ZNF205: variants seen among roughly 807,000 people sequenced by gnomAD.
ZNF205 encodes the protein transcriptional repressor RHIT.
In ZNF205, 32 loss-of-function variants were observed where a neutral mutation model predicts 53.6. The ratio of observed to expected loss-of-function variants is 0.60; its 90% confidence interval spans 0.45 to 0.80. The LOEUF is 0.80. Among genes scored for constraint, ZNF205 ranks in the 30% least tolerant of loss-of-function variants. The probability of loss-of-function intolerance (pLI) is 0.00; values close to 1 mark genes in which losing one functional copy is unlikely to be tolerated. For missense variants in ZNF205, 836 were observed against 782.4 expected, an observed-to-expected ratio of 1.07 and a Z score of -0.82; for synonymous variants, 382 against 334.3, an observed-to-expected ratio of 1.14 and a Z score of -1.56.
At chr16:3,112,979 TC>T in intron 1 of ZNF205, 1 of 206,788 alleles carries the variant, frequency 4.8e-6, no homozygotes, top group Non-Finnish European at 9.8e-6. Context: ...TGTCCTGGGG[TC>T]GGGGGACAGC....
At chr16:3,114,407 G>A (rs1476557060) in intron 2 of ZNF205, among the ~76,000 whole-genome samples, 1 of 152,184 alleles carries the variant, frequency 6.6e-6, no homozygotes, top group Non-Finnish European at 1.5e-5. Flanking sequence ...TGATTGGGGA[G>A]GGGTGTCGCT....
At chr16:3,118,391 G>A (rs1013727988) in intron 5 of ZNF205, among the ~76,000 whole-genome samples, 2 of 152,146 alleles carry the variant, frequency 1.3e-5, no homozygotes, top group Admixed American at 6.5e-5. Flanking sequence ...GGCAGGCCTC[G>A]CAGATGCCTC....
intron 2 of ZNF205, 79 bp from the exon 3 acceptor site, chr16:3,115,276 A>G (rs975182465): frequency 8.4e-7 from 1 of 1,187,976 alleles, no homozygotes; most frequent in Admixed American, 3.1e-5. Context: ...TTGGTTTCCG[A>G]CGCTGCCGGA....
rs1957336039 is a variant in ZNF205 at position 3,115,773 on chromosome 16, A to T, written c.272-56A>T. The T allele has an allele frequency of 3.9e-6, 6 of 1,533,734 alleles. No homozygotes were observed. In the South Asian group the frequency reaches 7.0e-5, roughly 18 times the overall value. On this transcript the variant is annotated intron_variant, in intron 3 of 6. Coordinates refer to ENST00000219091, the MANE Select transcript of ZNF205 (RefSeq NM_001042428.2). Reference sequence around the variant, plus strand: ...GGGTGGAGTTTGAGGCAGCTGAAGTAGCAGCAGGTCCAGCAGGATGAGCTG... The same window carrying T: ...GGGTGGAGTTTGAGGCAGCTGAAGTTGCAGCAGGTCCAGCAGGATGAGCTG...
chr16:3,113,562 C>A, intron 2 of ZNF205, 75 bp downstream of exon 2: 1 of 1,533,638 alleles, frequency 6.5e-7, no homozygotes, highest in East Asian at 2.3e-5. Context: ...GGCACAGAGT[C>A]TGGACCCCTG....
chr16:3,120,335 A>T lies in ZNF205; in HGVS notation c.*10A>T. On this transcript the variant is annotated 3_prime_UTR_variant, in exon 7 of 7. Transcript: ENST00000219091. ...ACCCGCTCCCACCTAGGAGGCCAGG[A>T]AAGGGGGAGCGGGGCGCCCAGGGCC... is the stretch of plus-strand genomic sequence containing the variant. 1 of 1,511,988 alleles carries T rather than the reference A, an allele frequency of 6.6e-7. No individual in the cohort carries two copies. The highest frequency in any genetic ancestry group is 8.8e-7 in the Non-Finnish European group (1 of 1,139,812). The allele number at this position is 1,511,988 out of a possible 1,614,324, so 93.7% of individuals were successfully genotyped here. A position where few individuals can be genotyped will look rare whatever the true frequency, so the allele number is the denominator to read the frequency against.
chr16:3,113,349 G>C (rs1957295093), intron 1 of ZNF205, 68 bp from the exon 2 acceptor site: 6 of 1,527,880 alleles, frequency 3.9e-6, no homozygotes, highest in Admixed American at 1.8e-5. Context: ...GCTCTTCTAG[G>C]CTCCTGGCCA....
intron 2 of ZNF205, among the ~76,000 whole-genome samples, chr16:3,114,327 C>G (rs1957310540): frequency 6.6e-6 from 1 of 152,168 alleles, no homozygotes; most frequent in African/African-American, 2.4e-5. Flanking sequence ...AGCTCCTTCT[C>G]CATCATTATC....
At position 3,120,306 on chromosome 16, in the gene ZNF205, C is replaced by G. The variant is rs1010841892; in HGVS notation, c.1646C>G (p.Pro549Arg). The G allele has an allele frequency of 1.3e-6, 2 of 1,568,624 alleles. No individual in the cohort carries two copies. The highest frequency in any genetic ancestry group is 1.4e-5 in the African/African-American group (1 of 73,990). The change falls in exon 7 of 7, where the codon CCC (proline) becomes CGC (arginine). Residue 549 changes from proline to arginine, a missense_variant. By Grantham distance (103) the Pro-to-Arg change is moderately radical. Transcript: ENST00000219091. ...GCGGCGGCGGGGGCTCTGGCCACAC[C>G]CCCACCCGCTCCCACCTAGGAGGCC... ...GAAAAGALAT[P>R]PPAPT
chr16:3,113,345 C>G (rs890357746), intron 1 of ZNF205, 72 bp from the exon 2 acceptor site: 1 of 1,516,888 alleles, frequency 6.6e-7, no homozygotes, highest in African/African-American at 1.4e-5. Context: ...GTCTGCTCTT[C>G]TAGGCTCCTG....
At chr16:3,115,269 G>A in intron 2 of ZNF205, 86 bp from the exon 3 acceptor site, 1 of 1,115,412 alleles carries the variant, frequency 9.0e-7, no homozygotes, top group East Asian at 2.9e-5. Flanking sequence ...TTGCATGTTG[G>A]TTTCCGACGC....
In ZNF205 at chr16:3,120,020, G is replaced by A. The variant is rs755244000; in HGVS notation, c.1360G>A (p.Gly454Ser). The A allele has an allele frequency of 6.8e-6, 11 of 1,613,656 alleles. No homozygotes were observed. In the Admixed American group the frequency reaches 1.5e-4, roughly 22 times the overall value. ...CAAGCCCTATCCGTGCCCCGAGTGC[G>A]GCAAGTGCTTCAGCCAGCGTTCCAA... Reference protein sequence around the residue: ...GVKPYPCPECGKCFSQRSNLI... With the variant: ...GVKPYPCPECSKCFSQRSNLI... The change falls in exon 7 of 7, where the codon GGC becomes AGC. Residue 454 changes from glycine to serine, a missense_variant. By Grantham distance (56) the Gly-to-Ser change is moderately conservative. Coordinates refer to ENST00000219091, the MANE Select transcript of ZNF205 (RefSeq NM_001042428.2).
Position 3,115,467 on chromosome 16 carries a change from A to C in ZNF205, c.170A>C (p.His57Pro), listed in dbSNP as rs1221603527. 4 of 1,611,418 alleles carry C rather than the reference A, an allele frequency of 2.5e-6. No individual in the cohort carries two copies. Among genetic ancestry groups the C allele is most frequent in the Non-Finnish European group, 3.4e-6 (4 of 1,178,770 alleles). The change falls in exon 3 of 7, where the codon CAC (histidine) becomes CCC (proline). Residue 57 changes from histidine (H) to proline (P), a missense_variant. Coordinates refer to ENST00000219091, the MANE Select transcript of ZNF205 (RefSeq NM_001042428.2). ...LHIKMEPEEPHSEGASQEDGA... is the reference protein window; with the variant it reads ...LHIKMEPEEPPSEGASQEDGA... ...ATTAAGATGGAGCCCGAAGAGCCAC[A>C]CTCCGAGGGGGCATCGCAGGAGGAT...
At chr16:3,117,083 C>T (rs564206238) in intron 5 of ZNF205, among the ~76,000 whole-genome samples, 26 of 152,298 alleles carry the variant, frequency 1.7e-4, no homozygotes, top group African/African-American at 5.1e-4. Flanking sequence ...CGTGAGCCAC[C>T]GCGCCCGGCC....
rs757591307 is a variant in ZNF205, at chr16:3,119,298, C to T, written c.638C>T (p.Ala213Val). The T allele has an allele frequency of 5.0e-6, 8 of 1,609,450 alleles. No individual in the cohort carries two copies. The highest frequency in any genetic ancestry group is 8.5e-7 in the Non-Finnish European group (1 of 1,177,738). ...VGQRVQTSSV[A>V]ALGNVKPFRT... The stretch of plus-strand genomic sequence containing the variant: ...CAGAGGGTGCAGACCTCATCCGTGG[C>T]AGCCCTTGGGAATGTGAAGCCCTTC... Residue 213 changes from alanine to valine, a missense_variant, in exon 7 of 7, where the codon GCA becomes GTA. By Grantham distance (64) the Ala-to-Val change is moderately conservative. Transcript: ENST00000219091.
Position 3,120,205 on chromosome 16 carries a change from G to A in ZNF205, c.1545G>A (p.Arg515=). ...ACPLCGKSFS[R]RSNLHRHEKI... ...CGTTGTGCGGCAAGAGCTTCAGCCG[G>A]CGCTCCAACCTGCACCGGCACGAGA... is the stretch of plus-strand genomic sequence containing the variant. Residue 515 remains arginine (R), a synonymous_variant, in exon 7 of 7, where the codon CGG becomes CGA. Coordinates refer to ENST00000219091, the MANE Select transcript of ZNF205 (RefSeq NM_001042428.2). The A allele has an allele frequency of 6.2e-7, 1 of 1,611,918 alleles. No homozygotes were observed. The highest frequency in any genetic ancestry group is 8.5e-7 in the Non-Finnish European group (1 of 1,179,694).
At position 3,112,659 on chromosome 16, in the gene ZNF205, G is replaced by C. The variant is rs562740095; in HGVS notation, c.-38G>C. On this transcript the variant is annotated 5_prime_UTR_variant, in exon 1 of 7. Transcript: ENST00000219091. ...GGGGGAGGGGGCCCCCACTGCCGCA[G>C]GTGCCCCCTCTGCCTCCACCCCGGT... 1 of 309,326 alleles carries C rather than the reference G, an allele frequency of 3.2e-6. No homozygotes were observed. The highest frequency in any genetic ancestry group is 8.2e-5 in the East Asian group (1 of 12,216). The allele number at this position is 309,326 out of a possible 1,614,324, so 19.2% of individuals were successfully genotyped here.
intron 2 of ZNF205, among the ~76,000 whole-genome samples, chr16:3,113,896 A>AGTGT (rs1000561731): frequency 2.0e-5 from 3 of 150,834 alleles, no homozygotes; most frequent in African/African-American, 2.4e-5. Flanking sequence ...TGCGTGGTTG[A>AGTGT]GTGTGTGTGT....
rs759969610 is a variant in ZNF205, at chr16:3,119,600, G to A, written c.940G>A (p.Gly314Ser). Residue 314 changes from glycine (G) to serine (S), a missense_variant, in exon 7 of 7, where the codon GGC becomes AGC. By Grantham distance (56) the Gly-to-Ser change is moderately conservative. Transcript: ENST00000219091. ...GRKSYRCEQC[G>S]KGFSWHSHLV... ...GAAGAGCTACCGGTGCGAGCAGTGCGGCAAGGGCTTCAGCTGGCACTCGCA... is the reference window on the plus strand; with the variant it reads ...GAAGAGCTACCGGTGCGAGCAGTGCAGCAAGGGCTTCAGCTGGCACTCGCA... The A allele has an allele frequency of 9.3e-6, 15 of 1,609,964 alleles. No homozygotes were observed. The highest frequency in any genetic ancestry group is 7.7e-5 in the South Asian group (7 of 90,774).
Sources: gnomAD v4.1 joint callset for allele counts (sites outside exome capture counted in the v4.1 genomes callset) on GRCh38, gnomAD v4.1.1 for gene constraint, MANE v1.5 for transcripts, NCBI Gene and HGNC (gene_info 2026-07-23, HGNC 2026-07-21) for gene names.